Variants in DLG2 observed in about 807,000 individuals in gnomAD.
DLG2 encodes disks large homolog 2.
In DLG2, 45 loss-of-function variants were observed where a neutral mutation model predicts 132.5. That is an observed-to-expected ratio of 0.34 (90% CI 0.27 to 0.44). The LOEUF is 0.44. Ranked by LOEUF, DLG2 falls within the 20% of genes least tolerant of loss-of-function variation. The probability of loss-of-function intolerance (pLI) is 1.00; values close to 1 mark genes in which losing one functional copy is unlikely to be tolerated. For missense variants in DLG2, 1,045 were observed against 1,196.9 expected (o/e 0.87, Z 1.87); for synonymous variants, 424 against 419.6 (o/e 1.01, Z -0.13).
chr11:84,611,565 C>T (rs1398413834), intron 6 of DLG2, among the ~76,000 whole-genome samples: 1 of 152,116 alleles, frequency 6.6e-6, no homozygotes. Flanking sequence ...ACCCAAGTGC[C>T]TCTATGCTAC....
intron 6 of DLG2, among the ~76,000 whole-genome samples, chr11:84,641,346 T>C (rs546095055): frequency 3.3e-5 from 5 of 152,350 alleles, no homozygotes; most frequent in South Asian, 2.1e-4. Context: ...GCCTAACCCA[T>C]AGTAAGCGCT....
intron 16 of DLG2, among the ~76,000 whole-genome samples, chr11:83,845,352 G>C (rs542137871): frequency 5.3e-5 from 8 of 152,256 alleles, no homozygotes; most frequent in Admixed American, 1.3e-4. Context: ...ACAACAGAAG[G>C]CTTCAAAGCT....
At chr11:85,405,981 G>A (rs908664463) in intron 3 of DLG2, among the ~76,000 whole-genome samples, 8 of 151,840 alleles carry the variant, frequency 5.3e-5, no homozygotes, top group Non-Finnish European at 1.0e-4. Context: ...CTTTCATGGA[G>A]GAAAAAACTA....
chr11:84,478,989 T>C (rs2099129421), intron 7 of DLG2, among the ~76,000 whole-genome samples: 1 of 152,044 alleles, frequency 6.6e-6, no homozygotes, highest in Non-Finnish European at 1.5e-5. Context: ...CCTGGTAAAA[T>C]ACTACTCCTT....
At chr11:84,062,684 T>C (rs2096609386) in intron 10 of DLG2, among the ~76,000 whole-genome samples, 1 of 152,106 alleles carries the variant, frequency 6.6e-6, no homozygotes, top group Non-Finnish European at 1.5e-5. Context: ...TTACTTTTTC[T>C]AGAGCTTCTA....
chr11:84,681,668 A>T (rs764763056), intron 6 of DLG2, among the ~76,000 whole-genome samples: 4 of 152,088 alleles, frequency 2.6e-5, no homozygotes, highest in Non-Finnish European at 4.4e-5. Flanking sequence ...CAGATGAGAC[A>T]ATCCATCTGC....
chr11:85,591,072 G>C (rs1313690632), intron 3 of DLG2, among the ~76,000 whole-genome samples: 2 of 152,082 alleles, frequency 1.3e-5, no homozygotes. Context: ...AAATATAAAA[G>C]TCCTGAGTCA....
intron 19 of DLG2, among the ~76,000 whole-genome samples, chr11:83,589,579 C>T (rs2097152479): frequency 6.7e-6 from 1 of 148,622 alleles, no homozygotes; most frequent in Non-Finnish European, 1.5e-5. Context: ...GAAACTGCAT[C>T]AACTAACGAG....
chr11:84,368,722 G>A (rs1013363606), intron 7 of DLG2, among the ~76,000 whole-genome samples: 4 of 152,092 alleles, frequency 2.6e-5, no homozygotes, highest in Non-Finnish European at 5.9e-5. Flanking sequence ...CCTCATTAAA[G>A]ATGATGTGAG....
chr11:83,533,001 T>C (rs2095795024), intron 20 of DLG2, among the ~76,000 whole-genome samples: 2 of 152,006 alleles, frequency 1.3e-5, no homozygotes, highest in Admixed American at 6.6e-5. Context: ...ATACTGAGAG[T>C]CACGTCATGG....
chr11:83,686,702 G>GT (rs925746629), intron 18 of DLG2, among the ~76,000 whole-genome samples: 1 of 152,044 alleles, frequency 6.6e-6, no homozygotes, highest in Non-Finnish European at 1.5e-5. Flanking sequence ...ATTATAACTT[G>GT]TTTTTTAAAA....
At chr11:84,998,790 C>G (rs1041834270) in intron 6 of DLG2, among the ~76,000 whole-genome samples, 2 of 151,918 alleles carry the variant, frequency 1.3e-5, no homozygotes, top group African/African-American at 4.8e-5. Flanking sequence ...AACTGCCCAC[C>G]ATGTATGGAA....
At chr11:84,679,905 G>A (rs1595607552) in intron 6 of DLG2, among the ~76,000 whole-genome samples, 1 of 152,070 alleles carries the variant, frequency 6.6e-6, no homozygotes, top group Non-Finnish European at 1.5e-5. Flanking sequence ...TAATATCAGA[G>A]AGTATATACA....
chr11:84,119,930 G>T (rs1024661764), intron 9 of DLG2, among the ~76,000 whole-genome samples: 1 of 152,102 alleles, frequency 6.6e-6, no homozygotes, highest in Non-Finnish European at 1.5e-5. Context: ...CTTTGTACTG[G>T]AACATTTATT....
intron 6 of DLG2, among the ~76,000 whole-genome samples, chr11:85,091,838 A>T (rs1490878276): frequency 6.6e-6 from 1 of 152,162 alleles, no homozygotes. Flanking sequence ...TTCCTCCACT[A>T]AAGTATTGAT....
At chr11:84,068,341 C>A (rs967222558) in intron 10 of DLG2, among the ~76,000 whole-genome samples, 1 of 152,188 alleles carries the variant, frequency 6.6e-6, no homozygotes, top group Non-Finnish European at 1.5e-5. Flanking sequence ...CTTTTACTTG[C>A]CAACAAATAT....
intron 6 of DLG2, among the ~76,000 whole-genome samples, chr11:84,799,030 C>G (rs774785679): frequency 1.3e-5 from 2 of 152,152 alleles, no homozygotes; most frequent in African/African-American, 4.8e-5. Flanking sequence ...TGCCTGGAGG[C>G]GAGGATGGCA....
At chr11:83,897,998 A>T (rs955567874) in intron 15 of DLG2, among the ~76,000 whole-genome samples, 1 of 152,286 alleles carries the variant, frequency 6.6e-6, no homozygotes, top group South Asian at 2.1e-4. Context: ...AAGAGATAGG[A>T]TTGCCCCTTA....
chr11:83,587,006 G>A (rs1436781583), intron 19 of DLG2, among the ~76,000 whole-genome samples: 1 of 152,162 alleles, frequency 6.6e-6, no homozygotes, highest in Non-Finnish European at 1.5e-5. Flanking sequence ...TTTAAATCCT[G>A]ACTCCTCTTC....
Sources: gnomAD v4.1 joint callset for allele counts (sites outside exome capture counted in the v4.1 genomes callset) on GRCh38, gnomAD v4.1.1 for gene constraint, MANE v1.5 for transcripts, NCBI Gene and HGNC (gene_info 2026-07-23, HGNC 2026-07-21) for gene names.